Variants in MTHFD1L observed in about 807,000 individuals in gnomAD.
MTHFD1L encodes the protein methylenetetrahydrofolate dehydrogenase (NADP+ dependent) 1 like.
A neutral mutation model predicts 119.5 loss-of-function variants in MTHFD1L; 81 were observed. The observed-to-expected ratio is 0.68, with a 90% CI of 0.57 to 0.82. MTHFD1L has a LOEUF of 0.82. MTHFD1L is among the 40% of genes least tolerant of loss of function. The probability of loss-of-function intolerance (pLI) is 0.00; values close to 1 mark genes in which losing one functional copy is unlikely to be tolerated. For synonymous variants in MTHFD1L, 430 were observed against 475.2 expected, an observed-to-expected ratio of 0.90 and a Z score of 1.24; for missense variants, 1,125 against 1,253.4, an observed-to-expected ratio of 0.90 and a Z score of 1.55.
chr6:150,909,186 C>T (rs963239907), intron 8 of MTHFD1L, among the ~76,000 whole-genome samples: 1 of 151,460 alleles, frequency 6.6e-6, no homozygotes, highest in African/African-American at 2.4e-5. Flanking sequence ...GTTCACTCTA[C>T]TATTGCATGA....
chr6:151,048,050 C>T (rs1470468502), intron 26 of MTHFD1L, among the ~76,000 whole-genome samples: 5 of 152,040 alleles, frequency 3.3e-5, no homozygotes, highest in South Asian at 2.1e-4. Context: ...CTCACTATCA[C>T]GAGAACAACA....
At chr6:150,966,059 T>TTA (rs898368508) in intron 19 of MTHFD1L, among the ~76,000 whole-genome samples, 41 of 152,206 alleles carry the variant, frequency 2.7e-4, no homozygotes, top group African/African-American at 2.6e-4. Context: ...AGGGTTACCT[T>TTA]TAGTGCAGGG....
chr6:151,036,857 G>A (rs1296501721), intron 25 of MTHFD1L, 108 bp from the exon 26 acceptor site: 12 of 1,199,132 alleles, frequency 1.0e-5, no homozygotes, highest in African/African-American at 7.5e-5. Flanking sequence ...CGTGTGCCTC[G>A]ATCTGAGCCG....
intron 20 of MTHFD1L, among the ~76,000 whole-genome samples, chr6:150,988,610 G>T (rs35651521): frequency 0.079 from 11,988 of 151,572 alleles, 1,195 homozygotes; most frequent in East Asian, 0.53. Flanking sequence ...TTTTTTGTGG[G>T]GGGGGCGGGA....
At chr6:150,929,077 G>A (rs1341072575) in intron 11 of MTHFD1L, among the ~76,000 whole-genome samples, 2 of 152,106 alleles carry the variant, frequency 1.3e-5, no homozygotes, top group Non-Finnish European at 2.9e-5. Context: ...TGAGGGGAGG[G>A]GTTGGCTCCA....
At chr6:150,935,641 G>A in intron 11 of MTHFD1L, 3 of 1,148,864 alleles carry the variant, frequency 2.6e-6, no homozygotes, top group South Asian at 1.6e-5. Flanking sequence ...AGTGTCTACA[G>A]CGTGGTTTGC....
At chr6:151,022,602 G>A (rs1034448954) in intron 24 of MTHFD1L, among the ~76,000 whole-genome samples, 2 of 152,144 alleles carry the variant, frequency 1.3e-5, no homozygotes, top group African/African-American at 4.8e-5. Flanking sequence ...AGGTTGAAAG[G>A]CTGTCCTTTC....
intron 26 of MTHFD1L, among the ~76,000 whole-genome samples, chr6:151,061,008 A>G (rs1790548571): frequency 6.6e-6 from 1 of 152,222 alleles, no homozygotes; most frequent in African/African-American, 2.4e-5. Flanking sequence ...CCGAACTAGA[A>G]TGAACTAAAC....
intron 24 of MTHFD1L, among the ~76,000 whole-genome samples, chr6:151,033,472 T>TTC (rs1014077817): frequency 7.2e-5 from 11 of 152,302 alleles, no homozygotes; most frequent in African/African-American, 2.6e-4. Flanking sequence ...CCAAATGTGT[T>TTC]TCTTAAATTT....
intron 26 of MTHFD1L, among the ~76,000 whole-genome samples, chr6:151,042,617 G>T (rs1213710850): frequency 6.6e-6 from 1 of 152,146 alleles, no homozygotes; most frequent in East Asian, 1.9e-4. Flanking sequence ...ACATGGTTTT[G>T]ATATTGTCTT....
rs1794357770 is a variant in MTHFD1L, at chr6:151,091,021, TCCATGCGACTGGGTGCAGCATCGCC to T, written c.2848-1422_2848-1398del. On this transcript the variant is annotated intron_variant, in intron 26 of 27. Transcript: ENST00000367321. ...TCCATGCGACTGGGTGCAGCATCGT[TCCATGCGACTGGGTGCAGCATCGCC>T]CCATGCGACTGGGTGCAGCATCGTT... 3.7e-3 allele frequency among the ~76,000 whole-genome samples: 366 copies of T among 100,022 alleles called. 25 individuals carry two copies. Among genetic ancestry groups the T allele is most frequent in the Admixed American group, 8.5e-3 (75 of 8,836 alleles). The allele number at this position is 100,022 out of a possible 152,430, so 65.6% of individuals were successfully genotyped here.
At position 150,992,576 on chromosome 6, in the gene MTHFD1L, G is replaced by T. The variant is rs1040683218; in HGVS notation, c.2126-17243G>T. Among the ~76,000 whole-genome samples, 6 of 152,332 alleles carry T rather than the reference G, an allele frequency of 3.9e-5. 1 individual carries two copies. The South Asian group carries it at 6.2e-4, about 16-fold the overall frequency. The stretch of plus-strand genomic sequence containing the variant: ...TTTCAGGGTGGGGAAGGAAATTTAG[G>T]TCTGTAATTTAGGAGAGAGGTTGAG... On this transcript the variant is annotated intron_variant, in intron 20 of 27. Transcript: ENST00000367321.
chr6:150,918,558 T>TC lies in MTHFD1L; in HGVS notation c.893-16dup, dbSNP rs540885723. 5 of 1,582,696 alleles carry TC rather than the reference T, an allele frequency of 3.2e-6. No homozygotes were observed. Among genetic ancestry groups the TC allele is most frequent in the Admixed American group, 1.7e-5 (1 of 59,936 alleles). ...GACAGTGTACTGAAAGTCTTTTTTT[T>TC]CCCTCCAATTTTTTACAGGGAAGGT... On this transcript the variant is annotated intron_variant, in intron 8 of 27. Transcript: ENST00000367321.
intron 20 of MTHFD1L, among the ~76,000 whole-genome samples, chr6:151,006,643 T>C (rs1324915208): frequency 3.9e-5 from 6 of 152,138 alleles, no homozygotes; most frequent in Non-Finnish European, 2.9e-5. Flanking sequence ...TTCATTAATA[T>C]ATTTGTGTCC....
intron 24 of MTHFD1L, among the ~76,000 whole-genome samples, chr6:151,025,751 C>A (rs192902757): frequency 3.9e-5 from 6 of 152,286 alleles, no homozygotes; most frequent in Non-Finnish European, 7.4e-5. Context: ...CCGATGTATG[C>A]CAACGACTTC....
intron 20 of MTHFD1L, among the ~76,000 whole-genome samples, chr6:151,007,116 C>T (rs1781518560): frequency 6.6e-6 from 1 of 151,938 alleles, no homozygotes; most frequent in Non-Finnish European, 1.5e-5. Flanking sequence ...CTTCTTTCCT[C>T]CCTCTCCTTC....
intron 18 of MTHFD1L, among the ~76,000 whole-genome samples, chr6:150,964,002 C>CT (rs1329213671): frequency 6.6e-6 from 1 of 152,126 alleles, no homozygotes; most frequent in East Asian, 1.9e-4. Flanking sequence ...CCCATCTCTG[C>CT]TAAAAATACA....
intron 21 of MTHFD1L, among the ~76,000 whole-genome samples, chr6:151,011,968 T>C (rs1283526948): frequency 7.8e-6 from 1 of 128,514 alleles, no homozygotes; most frequent in Non-Finnish European, 1.6e-5. Context: ...ACCATTGCAC[T>C]CCAGCCTGGG....
Position 150,952,246 on chromosome 6 carries a change from G to A in MTHFD1L, c.1726+3113G>A, listed in dbSNP as rs1281421623. 2.0e-5 allele frequency among the ~76,000 whole-genome samples: 3 copies of A among 152,168 alleles called. No homozygotes were observed. The East Asian group carries it at 5.8e-4, about 29-fold the overall frequency. ...CAAGCTACCTGGGTCAGAGGAATTT[G>A]GAATGACATTTGATAAGTAGTTTGG... On this transcript the variant is annotated intron_variant, in intron 16 of 27. Transcript: ENST00000367321.
Sources: allele counts gnomAD v4.1 joint callset (sites outside exome capture counted in the v4.1 genomes callset), GRCh38; gene constraint gnomAD v4.1.1; transcripts MANE v1.5; gene names NCBI Gene and HGNC (gene_info 2026-07-23, HGNC 2026-07-21).